The following TCF25 variants were observed in gnomAD, a reference collection of about 807,000 sequenced individuals.
The protein encoded by TCF25 is TCF25 ribosome quality control complex subunit, also known as ribosome quality control complex subunit TCF25.
Under a neutral mutation model 83.1 loss-of-function variants are expected in TCF25, and 41 were observed. That is an observed-to-expected ratio of 0.49 (90% CI 0.38 to 0.64). The LOEUF is 0.64. Ranked by LOEUF, TCF25 falls within the 30% of genes least tolerant of loss-of-function variation. The pLI, the probability that TCF25 is intolerant of heterozygous loss-of-function variation, is 0.00. For missense variants in TCF25, 979 were observed against 914.5 expected, an observed-to-expected ratio of 1.07 and a Z score of -0.91; for synonymous variants, 458 against 365.0, an observed-to-expected ratio of 1.25 and a Z score of -2.90.
rs1452361828 is a variant in TCF25 at position 89,885,817 on chromosome 16, G to A, written c.430-31G>A. ...ACAATATTTAAAATAATGTCAGTGT[G>A]GTGATTAAGAGGTTGTTTTGGGGCT... On this transcript the variant is annotated intron_variant, in intron 3 of 17. Coordinates refer to ENST00000263346, the MANE Select transcript of TCF25 (RefSeq NM_014972.3). 5 of 1,499,394 alleles carry A rather than the reference G, an allele frequency of 3.3e-6. No homozygotes were observed. In the East Asian group the frequency reaches 1.1e-4, roughly 34 times the overall value. 92.9% of individuals were successfully genotyped at this position (1,499,394 alleles called of 1,614,324 possible).
chr16:89,906,076 C>A, intron 14 of TCF25, 118 bp from the exon 15 acceptor site: 1 of 871,662 alleles, frequency 1.1e-6, no homozygotes, highest in Non-Finnish European at 1.8e-6. Context: ...TTTTTGCAGC[C>A]ACCAGAGATG....
intron 11 of TCF25, among the ~76,000 whole-genome samples, chr16:89,899,419 CT>C (rs2044142209): frequency 6.6e-6 from 1 of 152,196 alleles, no homozygotes; most frequent in African/African-American, 2.4e-5. Flanking sequence ...CCTGTTTTGT[CT>C]TTAATGCAGC....
rs111967319 is a variant in TCF25, at chr16:89,898,952, G to A, written c.1221+80G>A. The A allele has an allele frequency of 1.4e-5, 19 of 1,370,402 alleles. No homozygotes were observed. In the East Asian group the frequency reaches 1.4e-4, roughly 10 times the overall value. The allele number at this position is 1,370,402 out of a possible 1,614,324, so 84.9% of individuals were successfully genotyped here. ...TGTTTTCTTGGTTCAGTATCTGTGC[G>A]CTCAGGGGACGTTTGGGGATGAAAC... On this transcript the variant is annotated intron_variant, in intron 11 of 17. Transcript: ENST00000263346.
At chr16:89,883,311 G>C (rs770816206) in intron 1 of TCF25, 40 bp from the exon 2 acceptor site, 7 of 1,605,784 alleles carry the variant, frequency 4.4e-6, no homozygotes, top group South Asian at 3.3e-5. Context: ...CGTTCACACT[G>C]TAAGTAACGC....
chr16:89,908,964 A>G (rs1362075848), intron 16 of TCF25: 3 of 1,289,370 alleles, frequency 2.3e-6, no homozygotes, highest in South Asian at 2.5e-5. Context: ...TTCCCCTCAC[A>G]GGAAGGGAGA....
chr16:89,888,896 A>T (rs1402451024), intron 5 of TCF25, among the ~76,000 whole-genome samples: 2 of 136,086 alleles, frequency 1.5e-5, no homozygotes, highest in Non-Finnish European at 3.1e-5. Context: ...CATGTCGGCC[A>T]GGCTGGTCTC....
chr16:89,897,901 A>G (rs7194371), intron 9 of TCF25, among the ~76,000 whole-genome samples: 26,669 of 152,092 alleles, frequency 0.18, 3,182 homozygotes, highest in African/African-American at 0.33. Flanking sequence ...GGATCACAAG[A>G]TCAGGAGATC....
chr16:89,899,097 A>G (rs771724722), intron 11 of TCF25, among the ~76,000 whole-genome samples: 7 of 152,130 alleles, frequency 4.6e-5, no homozygotes, highest in African/African-American at 1.2e-4. Flanking sequence ...GAATCCTCAT[A>G]CGTGTGTACA....
Position 89,892,260 on chromosome 16 carries a change from C to T in TCF25, c.682C>T (p.Arg228Cys), listed in dbSNP as rs199600678. 56 of 1,612,360 alleles carry T rather than the reference C, an allele frequency of 3.5e-5. No individual in the cohort carries two copies. In the East Asian group the frequency reaches 1.2e-3, roughly 33 times the overall value. Residue 228 changes from arginine (R) to cysteine (C), a missense_variant, in exon 6 of 18, where the codon CGC (arginine) becomes TGC (cysteine). Arg to Cys is a radical substitution (Grantham distance 180). Coordinates refer to ENST00000263346, the MANE Select transcript of TCF25 (RefSeq NM_014972.3). ...GACCACCCCTAAAAGCACCTGGCCCCGCTACAGCAAACCAGGTGAGGGTCT... is the reference window on the plus strand; with the variant it reads ...GACCACCCCTAAAAGCACCTGGCCCTGCTACAGCAAACCAGGTGAGGGTCT... The part of the protein sequence containing the change: ...WLTTPKSTWP[R>C]YSKPGLSMRL...
Position 89,873,602 on chromosome 16 carries a change from G to T in TCF25, c.-66G>T, listed in dbSNP as rs1350275621. ...GACCCCGCGCGAAGAGTGCGCAGGCGCGCCGACAGCCGAGTTTTCTGCGCT... is the reference window on the plus strand; with the variant it reads ...GACCCCGCGCGAAGAGTGCGCAGGCTCGCCGACAGCCGAGTTTTCTGCGCT... On this transcript the variant is annotated 5_prime_UTR_variant, in exon 1 of 18. Transcript: ENST00000263346. 1.4e-6 allele frequency: 2 copies of T among 1,405,948 alleles called. No homozygotes were observed. The highest frequency in any genetic ancestry group is 1.5e-5 in the South Asian group (1 of 64,894). The allele number at this position is 1,405,948 out of a possible 1,614,324, so 87.1% of individuals were successfully genotyped here.
intron 12 of TCF25, among the ~76,000 whole-genome samples, chr16:89,902,625 C>G (rs1235190148): frequency 1.4e-5 from 2 of 146,510 alleles, no homozygotes; most frequent in Non-Finnish European, 1.5e-5. Context: ...GGAGGCAGAG[C>G]TTGCAGTGAG....
intron 6 of TCF25, 69 bp downstream of exon 6, chr16:89,892,344 A>G: frequency 6.6e-7 from 1 of 1,505,958 alleles, no homozygotes; most frequent in Non-Finnish European, 9.0e-7. Flanking sequence ...GCCCCGGTAC[A>G]GCAAACCAGG....
At chr16:89,884,328 A>T (rs2042824235) in intron 2 of TCF25, among the ~76,000 whole-genome samples, 1 of 152,060 alleles carries the variant, frequency 6.6e-6, no homozygotes, top group African/African-American at 2.4e-5. Context: ...TGAGAGCTGG[A>T]CCTGGTCAGG....
Position 89,900,775 on chromosome 16 carries a change from G to C in TCF25, c.1362G>C (p.Ala454=), listed in dbSNP as rs756094390. The change falls in exon 12 of 18, where the codon GCG becomes GCC. Residue 454 remains alanine (A), a synonymous_variant. Coordinates refer to ENST00000263346, the MANE Select transcript of TCF25 (RefSeq NM_014972.3). The part of the protein sequence containing the change: ...RQKASLLIQQ[A]LTMFPGVLLP... ...AGGCCTCTCTCCTGATACAGCAGGC[G>C]CTCACCATGTTCCCTGGAGGTGAGT... The C allele has an allele frequency of 1.6e-5, 26 of 1,584,640 alleles. No individual in the cohort carries two copies. The highest frequency in any genetic ancestry group is 3.4e-5 in the Admixed American group (2 of 59,556).
chr16:89,904,036 C>G, intron 12 of TCF25, 82 bp from the exon 13 acceptor site: 2 of 1,379,026 alleles, frequency 1.5e-6, no homozygotes, highest in Non-Finnish European at 2.0e-6. Flanking sequence ...AAGGACCTCG[C>G]TGTGTCCCTT....
intron 3 of TCF25, among the ~76,000 whole-genome samples, chr16:89,885,454 A>C (rs932758073): frequency 6.6e-6 from 1 of 152,154 alleles, no homozygotes; most frequent in Non-Finnish European, 1.5e-5. Context: ...CACTGGAGCT[A>C]GTCTGTCATC....
intron 5 of TCF25, among the ~76,000 whole-genome samples, chr16:89,887,962 C>A (rs2043141194): frequency 6.6e-6 from 1 of 152,200 alleles, no homozygotes. Flanking sequence ...ACTGCCTTGT[C>A]CAGCATGAGG....
chr16:89,893,964 C>T, intron 7 of TCF25, 106 bp downstream of exon 7: 1 of 1,482,752 alleles, frequency 6.7e-7, no homozygotes, highest in Non-Finnish European at 9.1e-7. Flanking sequence ...GCCTCCTGCC[C>T]TTCCCAACAG....
chr16:89,902,612 C>G (rs1262290330), intron 12 of TCF25, among the ~76,000 whole-genome samples: 1 of 147,286 alleles, frequency 6.8e-6, no homozygotes, highest in Non-Finnish European at 1.5e-5. Context: ...TGGCATGAAC[C>G]CAGGAGGCAG....
Sources: allele counts gnomAD v4.1 joint callset (sites outside exome capture counted in the v4.1 genomes callset), GRCh38; gene constraint gnomAD v4.1.1; transcripts MANE v1.5; gene names NCBI Gene and HGNC (gene_info 2026-07-23, HGNC 2026-07-21).